ZNF681: variants seen among roughly 807,000 people sequenced by gnomAD.
ZNF681 encodes the protein hypothetical protein FLJ31526.
A neutral mutation model predicts 56.0 loss-of-function variants in ZNF681; 37 were observed. The ratio of observed to expected loss-of-function variants is 0.66; its 90% CI spans 0.51 to 0.87. ZNF681 has a LOEUF of 0.87. Among genes scored for constraint, ZNF681 ranks in the 40% least tolerant of loss-of-function variants. The pLI, the probability that ZNF681 is intolerant of heterozygous loss-of-function variation, is 0.00. For synonymous variants in ZNF681, 225 were observed against 248.6 expected, an observed-to-expected ratio of 0.91 and a Z score of 0.89; for missense variants, 741 against 744.9, an observed-to-expected ratio of 0.99 and a Z score of 0.06.
chr19:23,755,027 C>A, intron 2 of ZNF681, 109 bp from the exon 3 acceptor site: 3 of 722,818 alleles, frequency 4.2e-6, no homozygotes, highest in South Asian at 2.6e-5. Context: ...TAAATCAATC[C>A]CAAAATACTG....
chr19:23,753,316 T>C (rs866821635), intron 3 of ZNF681, among the ~76,000 whole-genome samples: 24 of 152,406 alleles, frequency 1.6e-4, no homozygotes, highest in African/African-American at 5.8e-4. Flanking sequence ...GGATAATTGC[T>C]TGAACCCGGG....
At chr19:23,748,718 T>C (rs371851622) in intron 3 of ZNF681, among the ~76,000 whole-genome samples, 5 of 152,218 alleles carry the variant, frequency 3.3e-5, no homozygotes, top group African/African-American at 1.2e-4. Context: ...GGACTAATAA[T>C]TGAAATAAAT....
In ZNF681 at chr19:23,744,889, T is replaced by C. The variant is rs747600823; in HGVS notation, c.661A>G (p.Ile221Val). ...SIFTKHKRIH[I>V]GEKSYICEEC... Reference sequence around the variant, plus strand: ...TCACATATGTACGATTTCTCTCCAATATGAATTCTTTTATGTTTAGTAAAG... The same window carrying C: ...TCACATATGTACGATTTCTCTCCAACATGAATTCTTTTATGTTTAGTAAAG... Residue 221 changes from isoleucine (I) to valine (V), a missense_variant, in exon 4 of 4, where the codon ATT becomes GTT. By Grantham distance (29) the Ile-to-Val change is conservative. Coordinates refer to ENST00000402377, the MANE Select transcript of ZNF681 (RefSeq NM_138286.3). The C allele has an allele frequency of 5.6e-6, 9 of 1,612,208 alleles. No individual in the cohort carries two copies. The highest frequency in any genetic ancestry group is 7.6e-6 in the Non-Finnish European group (9 of 1,179,176).
At chr19:23,749,128 T>G (rs1237569475) in intron 3 of ZNF681, among the ~76,000 whole-genome samples, 2 of 152,146 alleles carry the variant, frequency 1.3e-5, no homozygotes, top group East Asian at 3.9e-4. Context: ...TCAAAAAATG[T>G]AACATATAAA....
intron 3 of ZNF681, among the ~76,000 whole-genome samples, chr19:23,749,145 G>A (rs188993569): frequency 7.6e-4 from 115 of 152,030 alleles, no homozygotes; most frequent in African/African-American, 2.3e-3. Context: ...TAAATACAAT[G>A]GAATATTATT....
At chr19:23,750,919 T>G (rs911219613) in intron 3 of ZNF681, among the ~76,000 whole-genome samples, 1 of 150,104 alleles carries the variant, frequency 6.7e-6, no homozygotes. Context: ...AGGTTGAAGG[T>G]TCGAGACCAG....
intron 1 of ZNF681, 30 bp downstream of exon 1, chr19:23,758,717 C>A (rs1568313564): frequency 1.2e-6 from 2 of 1,614,214 alleles, no homozygotes; most frequent in Non-Finnish European, 1.7e-6. Context: ...CCCTTCCCCT[C>A]TCTCGGGATG....
chr19:23,744,070 T>C lies in ZNF681; in HGVS notation c.1480A>G (p.Thr494Ala), dbSNP rs1968904854. Residue 494 changes from threonine (T) to alanine (A), a missense_variant, in exon 4 of 4, where the codon ACT (threonine) becomes GCT (alanine). Thr to Ala is a moderately conservative substitution (Grantham distance 58). Coordinates refer to ENST00000402377, the MANE Select transcript of ZNF681 (RefSeq NM_138286.3). ...GKAFNQSSIL[T>A]THKRIHTGEK... ...CCAGTATGAATTCTCTTATGTGTAGTAAGGATTGAGGACTGGTTAAAAGCT... is the reference window on the plus strand; with the variant it reads ...CCAGTATGAATTCTCTTATGTGTAGCAAGGATTGAGGACTGGTTAAAAGCT... 6.2e-7 allele frequency: 1 copy of C among 1,612,984 alleles called. No homozygotes were observed. Among genetic ancestry groups the C allele is most frequent in the Non-Finnish European group, 8.5e-7 (1 of 1,179,644 alleles).
chr19:23,751,129 C>CAAA (rs34706305), intron 3 of ZNF681, among the ~76,000 whole-genome samples: 12 of 56,470 alleles, frequency 2.1e-4, no homozygotes, highest in East Asian at 8.7e-4. Flanking sequence ...AACTCCATCT[C>CAAA]AAAAAAAAAA....
chr19:23,756,328 C>CA (rs762338731), intron 1 of ZNF681, among the ~76,000 whole-genome samples: 18 of 150,602 alleles, frequency 1.2e-4, no homozygotes, highest in South Asian at 4.3e-4. Context: ...CTGTCCCCCC[C>CA]CAAAAAAAGA....
In ZNF681 at chr19:23,744,740, T is replaced by G. The variant is rs767225876; in HGVS notation, c.810A>C (p.Thr270=). The G allele has an allele frequency of 8.7e-6, 14 of 1,613,662 alleles. No individual in the cohort carries two copies. In the South Asian group the frequency reaches 1.5e-4, roughly 18 times the overall value. ...SKAFNLSSHI[T]THTIIHTGEN... is the part of the protein sequence containing the mutation. ...CTCCAGTATGAATTATTGTATGTGT[T>G]GTAATGTGTGACGACAGGTTAAAGG... The change falls in exon 4 of 4, where the codon ACA becomes ACC. Residue 270 remains threonine (T), a synonymous_variant. Coordinates refer to ENST00000402377, the MANE Select transcript of ZNF681 (RefSeq NM_138286.3).
chr19:23,752,670 C>T (rs1462308884), intron 3 of ZNF681, among the ~76,000 whole-genome samples: 1 of 152,178 alleles, frequency 6.6e-6, no homozygotes, highest in African/African-American at 2.4e-5. Context: ...AGTGCAGACC[C>T]AGCAGCCTTA....
chr19:23,756,981 C>T (rs566648507), intron 1 of ZNF681, among the ~76,000 whole-genome samples: 17 of 152,056 alleles, frequency 1.1e-4, no homozygotes, highest in Non-Finnish European at 1.5e-4. Context: ...CGCAATTCTC[C>T]GACCTCAGCC....
chr19:23,747,845 T>C (rs778588795), intron 3 of ZNF681, among the ~76,000 whole-genome samples: 20 of 151,876 alleles, frequency 1.3e-4, no homozygotes, highest in African/African-American at 2.4e-4. Context: ...AAAAACAGAA[T>C]AGAGAGCCCA....
intron 3 of ZNF681, among the ~76,000 whole-genome samples, chr19:23,750,688 T>A (rs7409389): frequency 0.98 from 145,893 of 149,440 alleles, 71,294 homozygotes; most frequent in Non-Finnish European, 1. Context: ...CTAAAAGTAC[T>A]AAAATTAGCC....
At chr19:23,745,447 T>A in intron 3 of ZNF681, 124 bp from the exon 4 acceptor site, 32 of 660,720 alleles carry the variant, frequency 4.8e-5, no homozygotes, top group Non-Finnish European at 7.0e-5. Flanking sequence ...CCAAAGGCCC[T>A]AATTTTTTTT....
Position 23,745,251 on chromosome 19 carries a change from G to C in ZNF681, c.299C>G (p.Pro100Arg). The part of the protein sequence containing the change: ...NIKDSFQKVT[P>R]RRYGKCEHEN... Reference sequence around the variant, plus strand: ...ATGTTCACATTTTCCATATCTTCTTGGTGTCACTTTTTGGAAAGAATCTTT... The same window carrying C: ...ATGTTCACATTTTCCATATCTTCTTCGTGTCACTTTTTGGAAAGAATCTTT... The change falls in exon 4 of 4, where the codon CCA becomes CGA. Residue 100 changes from proline to arginine, a missense_variant. Physicochemically the swap from Pro to Arg is moderately radical, Grantham distance 103. Transcript: ENST00000402377. The C allele has an allele frequency of 6.2e-7, 1 of 1,604,868 alleles. No homozygotes were observed. The highest frequency in any genetic ancestry group is 8.5e-7 in the Non-Finnish European group (1 of 1,177,638).
Position 23,745,100 on chromosome 19 carries a change from G to A in ZNF681, c.450C>T (p.Ile150=), listed in dbSNP as rs762515552. 1 of 1,605,266 alleles carries A rather than the reference G, an allele frequency of 6.2e-7. No homozygotes were observed. Among genetic ancestry groups the A allele is most frequent in the Non-Finnish European group, 8.5e-7 (1 of 1,175,762 alleles). ...KIFQCDKYMK[I]FHKFSNLNGH... is the part of the protein sequence containing the mutation. ...CATTTAAATTTGAAAATTTATGAAA[G>A]ATTTTCATATATTTATCACATTGAA... The change falls in exon 4 of 4, where the codon ATC becomes ATT. Residue 150 remains isoleucine (I), a synonymous_variant. Transcript: ENST00000402377.
At chr19:23,750,825 T>TG (rs1555713625) in intron 3 of ZNF681, among the ~76,000 whole-genome samples, 158 of 128,808 alleles carry the variant, frequency 1.2e-3, no homozygotes, top group Non-Finnish European at 2.0e-3. Flanking sequence ...ACCGCATCTC[T>TG]AAAAAAAAAA....
Sources: gnomAD v4.1 joint callset for allele counts (sites outside exome capture counted in the v4.1 genomes callset) on GRCh38, gnomAD v4.1.1 for gene constraint, MANE v1.5 for transcripts, NCBI Gene and HGNC (gene_info 2026-07-23, HGNC 2026-07-21) for gene names.